DMXL2: variants seen among roughly 807,000 people sequenced by gnomAD.
The protein encoded by DMXL2 is dmX-like protein 2.
A neutral mutation model predicts 331.1 loss-of-function variants in DMXL2; 103 were observed. That is an observed-to-expected ratio of 0.31 (90% CI 0.27 to 0.37). DMXL2 has a LOEUF of 0.37. DMXL2 is among the 10% of genes least tolerant of loss of function. The probability of loss-of-function intolerance (pLI) is 1.00; values close to 1 mark genes in which losing one functional copy is unlikely to be tolerated. For missense variants in DMXL2, 3,171 were observed against 3,642.9 expected (o/e 0.87, Z 3.33); for synonymous variants, 1,281 against 1,252.1 (o/e 1.02, Z -0.49).
chr15:51,528,058 G>A (rs1174339405), intron 13 of DMXL2, among the ~76,000 whole-genome samples: 1 of 151,368 alleles, frequency 6.6e-6, no homozygotes, highest in Non-Finnish European at 1.5e-5. Context: ...AAGCTTCATG[G>A]TAACCTCAAA....
chr15:51,605,999 C>T (rs979590600), intron 1 of DMXL2, among the ~76,000 whole-genome samples: 3 of 152,188 alleles, frequency 2.0e-5, no homozygotes, highest in Non-Finnish European at 2.9e-5. Context: ...ACAGCATTTG[C>T]TAATCTAAAA....
At chr15:51,598,435 T>C (rs2052989069) in intron 1 of DMXL2, among the ~76,000 whole-genome samples, 1 of 152,180 alleles carries the variant, frequency 6.6e-6, no homozygotes, top group African/African-American at 2.4e-5. Context: ...GATCGGGCAA[T>C]GGATACTGAT....
intron 13 of DMXL2, among the ~76,000 whole-genome samples, chr15:51,520,417 T>C (rs1411348497): frequency 2.0e-5 from 3 of 152,182 alleles, no homozygotes; most frequent in African/African-American, 7.2e-5. Context: ...CTTTAAACAT[T>C]TTGTTTTATT....
intron 28 of DMXL2, among the ~76,000 whole-genome samples, chr15:51,473,442 T>C (rs1351424197): frequency 1.3e-5 from 2 of 152,156 alleles, no homozygotes; most frequent in Admixed American, 1.3e-4. Flanking sequence ...AAGTTTAAAG[T>C]GGACTATAAC....
chr15:51,572,502 A>G (rs115609634), intron 2 of DMXL2, among the ~76,000 whole-genome samples: 2 of 152,202 alleles, frequency 1.3e-5, no homozygotes, highest in African/African-American at 4.8e-5. Flanking sequence ...TTTTACACCA[A>G]TATGGCTGAT....
intron 15 of DMXL2, among the ~76,000 whole-genome samples, chr15:51,508,663 A>C (rs889266167): frequency 6.6e-6 from 1 of 152,154 alleles, no homozygotes; most frequent in Admixed American, 6.6e-5. Flanking sequence ...AAGAAATCCA[A>C]CAACAACAAT....
chr15:51,562,902 A>C (rs1160326773), intron 6 of DMXL2, among the ~76,000 whole-genome samples: 1 of 152,092 alleles, frequency 6.6e-6, no homozygotes, highest in Non-Finnish European at 1.5e-5. Flanking sequence ...GAAGGCAAAA[A>C]ATAATATATA....
In DMXL2 at chr15:51,532,376, G is replaced by A. The variant is rs536178911; in HGVS notation, c.2436+3287C>T. Among the ~76,000 whole-genome samples, 6 of 152,214 alleles carry A rather than the reference G, an allele frequency of 3.9e-5. No homozygotes were observed. In the East Asian group the frequency reaches 1.2e-3, roughly 29 times the overall value. On this transcript the variant is annotated intron_variant, in intron 13 of 43. Coordinates refer to ENST00000560891, the MANE Select transcript of DMXL2 (RefSeq NM_001378457.1). ...TAGAGTAGAAGGGTGATTACCAGAG[G>A]CTAGGAGGGGTCGTAAGGGATTGGC...
intron 16 of DMXL2, among the ~76,000 whole-genome samples, chr15:51,505,698 T>C (rs2046358760): frequency 6.6e-6 from 1 of 152,198 alleles, no homozygotes; most frequent in Admixed American, 6.5e-5. Flanking sequence ...CTAATGCCAA[T>C]TCATGGCCCA....
intron 21 of DMXL2, among the ~76,000 whole-genome samples, 189 bp from the exon 22 acceptor site, chr15:51,488,308 C>T (rs554538267): frequency 9.2e-5 from 14 of 152,182 alleles, no homozygotes; most frequent in Non-Finnish European, 2.1e-4. Flanking sequence ...CTTATGTATA[C>T]ATAAATAGGA....
At chr15:51,463,246 A>T (rs1288312296) in intron 33 of DMXL2, 133 bp downstream of exon 33, 10 of 570,138 alleles carry the variant, frequency 1.8e-5, no homozygotes, top group African/African-American at 2.0e-5. Context: ...AAAGTAGTTC[A>T]CGGTAGTTTA....
rs552998145 is a variant in DMXL2, at chr15:51,618,164, T to C, written c.87+4295A>G. Among the ~76,000 whole-genome samples the C allele has an allele frequency of 3.1e-4, 47 of 152,306 alleles. No homozygotes were observed. In the South Asian group the frequency reaches 8.9e-3, roughly 29 times the overall value. On this transcript the variant is annotated intron_variant, in intron 1 of 43. Transcript: ENST00000560891. ...TGATTCCCCTGGCCAAAAGTTCTCT[T>C]AGTCTTCCTGAATTCCCACTTAAAT...
chr15:51,611,257 G>A lies in DMXL2; in HGVS notation c.87+11202C>T, dbSNP rs549367649. 4.6e-5 allele frequency among the ~76,000 whole-genome samples: 7 copies of A among 152,212 alleles called. No individual in the cohort carries two copies. The South Asian group carries it at 1.5e-3, about 32-fold the overall frequency. On this transcript the variant is annotated intron_variant, in intron 1 of 43. Coordinates refer to ENST00000560891, the MANE Select transcript of DMXL2 (RefSeq NM_001378457.1). ...AAAGGGAGAGGCACAAATAACCAAT[G>A]GCAGTAATGACAAAAGAAGCAACAG...
At chr15:51,517,195 TG>T in intron 13 of DMXL2, 28 bp from the exon 14 acceptor site, 2 of 1,528,638 alleles carry the variant, frequency 1.3e-6, no homozygotes, top group Admixed American at 1.7e-5. Flanking sequence ...AAAATGTTAA[TG>T]GCCAACAAAT....
Position 51,578,619 on chromosome 15 carries a change from G to C in DMXL2, c.88-2438C>G, listed in dbSNP as rs2051203806. Among the ~76,000 whole-genome samples the C allele has an allele frequency of 2.0e-5, 3 of 152,082 alleles. No homozygotes were observed. The South Asian group carries it at 6.2e-4, about 31-fold the overall frequency. ...TTGGCAATATCTATCAAAATCTTAA[G>C]TACAATATACCTTTTGATCAAATAT... On this transcript the variant is annotated intron_variant, in intron 1 of 43. Transcript: ENST00000560891.
In DMXL2 at chr15:51,618,187, A is replaced by C. The variant is rs147001706; in HGVS notation, c.87+4272T>G. 8.1e-4 allele frequency among the ~76,000 whole-genome samples: 124 copies of C among 152,186 alleles called. 2 individuals carry two copies. The East Asian group carries it at 0.023, about 28-fold the overall frequency. On this transcript the variant is annotated intron_variant, in intron 1 of 43. Transcript: ENST00000560891. ...CTTAGTCTTCCTGAATTCCCACTTA[A>C]ATGCTGGTAATATTGCACAGCTGGC... is the stretch of plus-strand genomic sequence containing the variant.
intron 6 of DMXL2, among the ~76,000 whole-genome samples, chr15:51,548,002 C>T (rs141460671): frequency 9.0e-4 from 137 of 152,204 alleles, no homozygotes; most frequent in South Asian, 1.7e-3. Context: ...CACAGTTCTC[C>T]GATCCCTACT....
chr15:51,536,742 G>GT lies in DMXL2; in HGVS notation c.1737dup (p.His580ThrfsTer18). 2 of 1,614,070 alleles carry GT rather than the reference G, an allele frequency of 1.2e-6. No individual in the cohort carries two copies. Among genetic ancestry groups the GT allele is most frequent in the Non-Finnish European group, 8.5e-7 (1 of 1,180,000 alleles). ...CTGCCTACAGACATCCCCTCCTGGT[G>GT]TAACAGCGTGTGGTGAGAATCTTTT... On this transcript the variant is annotated frameshift_variant, in exon 12 of 44. Coordinates refer to ENST00000560891, the MANE Select transcript of DMXL2 (RefSeq NM_001378457.1). LOFTEE classifies it high-confidence loss of function.
rs772024052 is a variant in DMXL2 at position 51,458,716 on chromosome 15, A to G, written c.8069T>C (p.Val2690Ala). The change falls in exon 35 of 44, where the codon GTT (valine) becomes GCT (alanine). Residue 2690 changes from valine (V) to alanine (A), a missense_variant. Physicochemically the swap from Val to Ala is moderately conservative, Grantham distance 64. Around this residue, in one of 7 missense-constraint regions of DMXL2, gnomAD observed 766 missense variants for 940.5 expected, o/e 0.81. Transcript: ENST00000560891. ...KESDMIMAFS[V>A]NKANCNEIVL... is the part of the protein sequence containing the mutation. ...AATGATGAGAGCTTTTACCTTATTA[A>G]CAGAAAATGCCATGATCATATCAGA... 2 of 1,614,058 alleles carry G rather than the reference A, an allele frequency of 1.2e-6. No homozygotes were observed. The highest frequency in any genetic ancestry group is 3.3e-5 in the Admixed American group (2 of 60,028).
Sources: gnomAD v4.1 joint callset for allele counts (sites outside exome capture counted in the v4.1 genomes callset) on GRCh38, gnomAD v4.1.1 for gene constraint, gnomAD v4.1.1 regional missense constraint, MANE v1.5 for transcripts, NCBI Gene and HGNC (gene_info 2026-07-23, HGNC 2026-07-21) for gene names.